The following ST6GALNAC3 variants were observed in gnomAD, a reference collection of about 807,000 sequenced individuals.
ST6GALNAC3 encodes ST6 N-acetylgalactosaminide alpha-2,6-sialyltransferase 3, also known as alpha-N-acetylgalactosaminide alpha-2,6-sialyltransferase 3.
A neutral mutation model predicts 32.7 loss-of-function variants in ST6GALNAC3; 25 were observed. The observed-to-expected ratio is 0.76, with a 90% CI of 0.56 to 1.07. The LOEUF (loss-of-function observed/expected upper bound fraction) is 1.07. Ranked by LOEUF, ST6GALNAC3 falls within the 50% of genes least tolerant of loss-of-function variation. The pLI, the probability that ST6GALNAC3 is intolerant of heterozygous loss-of-function variation, is 0.00. For missense variants in ST6GALNAC3, 355 were observed against 382.4 expected, an observed-to-expected ratio of 0.93 and a Z score of 0.60; for synonymous variants, 129 against 133.1, an observed-to-expected ratio of 0.97 and a Z score of 0.21.
At chr1:76,131,157 T>C (rs1376176506) in intron 1 of ST6GALNAC3, among the ~76,000 whole-genome samples, 1 of 152,250 alleles carries the variant, frequency 6.6e-6, no homozygotes, top group East Asian at 1.9e-4. Flanking sequence ...TCCGTAATAC[T>C]CTGTTGATTT....
chr1:76,266,096 A>T (rs1460876754), intron 1 of ST6GALNAC3, among the ~76,000 whole-genome samples: 1 of 152,222 alleles, frequency 6.6e-6, no homozygotes, highest in East Asian at 1.9e-4. Flanking sequence ...GGGGCACTTA[A>T]CTGGAAATAG....
chr1:76,553,009 A>G (rs1664726776), intron 3 of ST6GALNAC3, among the ~76,000 whole-genome samples: 1 of 152,094 alleles, frequency 6.6e-6, no homozygotes, highest in Admixed American at 6.5e-5. Flanking sequence ...TCTATTTTTA[A>G]TTTGTTATTA....
chr1:76,380,780 A>G (rs1032720538), intron 2 of ST6GALNAC3, among the ~76,000 whole-genome samples: 1 of 152,218 alleles, frequency 6.6e-6, no homozygotes, highest in African/African-American at 2.4e-5. Flanking sequence ...CTTGAGTTCT[A>G]GTGAGCTCCA....
intron 1 of ST6GALNAC3, among the ~76,000 whole-genome samples, chr1:76,184,716 A>ACTTTAAAT (rs1198706835): frequency 6.6e-6 from 1 of 152,176 alleles, no homozygotes; most frequent in African/African-American, 2.4e-5. Context: ...TCAGAACTGG[A>ACTTTAAAT]CTTTAAATCG....
chr1:76,523,145 G>A (rs113230143), intron 3 of ST6GALNAC3, among the ~76,000 whole-genome samples: 2 of 152,138 alleles, frequency 1.3e-5, no homozygotes, highest in African/African-American at 4.8e-5. Flanking sequence ...TCCAGTATCA[G>A]ATACAAAGGC....
chr1:76,523,357 C>G (rs1395949906), intron 3 of ST6GALNAC3, among the ~76,000 whole-genome samples: 1 of 151,912 alleles, frequency 6.6e-6, no homozygotes, highest in African/African-American at 2.4e-5. Context: ...ATTTCTTTTT[C>G]TCTTGGGTTT....
intron 2 of ST6GALNAC3, among the ~76,000 whole-genome samples, chr1:76,363,481 C>G (rs1392398798): frequency 6.6e-6 from 1 of 152,202 alleles, no homozygotes; most frequent in African/African-American, 2.4e-5. Context: ...AAGTTCCAAA[C>G]ATTCCCTCAT....
intron 3 of ST6GALNAC3, among the ~76,000 whole-genome samples, chr1:76,604,990 C>T (rs1647427499): frequency 6.6e-6 from 1 of 152,124 alleles, no homozygotes; most frequent in Non-Finnish European, 1.5e-5. Context: ...TTCCCATATG[C>T]AGTTCATAAT....
At chr1:76,288,914 A>G (rs1256449550) in intron 1 of ST6GALNAC3, among the ~76,000 whole-genome samples, 2 of 152,188 alleles carry the variant, frequency 1.3e-5, no homozygotes, top group African/African-American at 2.4e-5. Flanking sequence ...TGCTCATTTC[A>G]TATATGAAAG....
At chr1:76,609,291 G>C (rs1255420052) in intron 3 of ST6GALNAC3, among the ~76,000 whole-genome samples, 1 of 151,970 alleles carries the variant, frequency 6.6e-6, no homozygotes, top group East Asian at 1.9e-4. Flanking sequence ...ATGAAAAAAA[G>C]ATAACAGTAT....
intron 1 of ST6GALNAC3, among the ~76,000 whole-genome samples, chr1:76,263,833 T>C (rs887753038): frequency 1.3e-5 from 2 of 152,274 alleles, no homozygotes; most frequent in South Asian, 2.1e-4. Context: ...AAGTGCTTTT[T>C]TTTTTTTAAG....
chr1:76,623,062 G>A (rs886394579), intron 3 of ST6GALNAC3, among the ~76,000 whole-genome samples: 12 of 151,890 alleles, frequency 7.9e-5, no homozygotes, highest in South Asian at 6.2e-4. Flanking sequence ...CTGAACAGAC[G>A]AGGAATCCCT....
chr1:76,324,936 A>G (rs929707297), intron 2 of ST6GALNAC3, among the ~76,000 whole-genome samples: 53 of 152,054 alleles, frequency 3.5e-4, no homozygotes, highest in Non-Finnish European at 1.2e-4. Flanking sequence ...TTTCACATAT[A>G]TATATTTTTA....
chr1:76,494,607 T>C (rs1660727931), intron 3 of ST6GALNAC3, among the ~76,000 whole-genome samples: 1 of 131,280 alleles, frequency 7.6e-6, no homozygotes, highest in Non-Finnish European at 1.6e-5. Flanking sequence ...CTTCCACTTA[T>C]TACCCTTGGC....
intron 1 of ST6GALNAC3, among the ~76,000 whole-genome samples, chr1:76,255,509 A>G (rs1015035477): frequency 6.6e-6 from 1 of 152,110 alleles, no homozygotes; most frequent in Non-Finnish European, 1.5e-5. Context: ...AGTCTTGCAG[A>G]GGTTGCAGAT....
At chr1:76,584,442 A>C (rs1330486380) in intron 3 of ST6GALNAC3, among the ~76,000 whole-genome samples, 1 of 152,238 alleles carries the variant, frequency 6.6e-6, no homozygotes, top group Non-Finnish European at 1.5e-5. Context: ...CATGTCTGTC[A>C]ATCTTAATGT....
intron 1 of ST6GALNAC3, among the ~76,000 whole-genome samples, chr1:76,163,009 C>T (rs1272433424): frequency 6.6e-6 from 1 of 152,184 alleles, no homozygotes; most frequent in Non-Finnish European, 1.5e-5. Context: ...CTGCGTGGGT[C>T]TTGTAGGTGT....
intron 1 of ST6GALNAC3, among the ~76,000 whole-genome samples, chr1:76,174,095 G>A (rs148778936): frequency 0.011 from 1,671 of 152,118 alleles, 29 homozygotes; most frequent in East Asian, 0.044. Context: ...CCAAATGCCC[G>A]TCAATGATAG....
intron 1 of ST6GALNAC3, among the ~76,000 whole-genome samples, chr1:76,143,094 C>G (rs1650436375): frequency 6.6e-6 from 1 of 152,074 alleles, no homozygotes; most frequent in African/African-American, 2.4e-5. Flanking sequence ...ATTGAACTCA[C>G]CCTGTTTACT....
Sources: gnomAD v4.1 joint callset for allele counts (sites outside exome capture counted in the v4.1 genomes callset) on GRCh38, gnomAD v4.1.1 for gene constraint, MANE v1.5 for transcripts, NCBI Gene and HGNC (gene_info 2026-07-23, HGNC 2026-07-21) for gene names.